The following SDK1 variants were observed in gnomAD, a reference collection of about 807,000 sequenced individuals.
SDK1 encodes the protein protein sidekick-1.
A neutral mutation model predicts 245.5 loss-of-function variants in SDK1; 157 were observed. The observed-to-expected ratio is 0.64, with a 90% confidence interval of 0.56 to 0.73. The LOEUF is 0.73. Among genes scored for constraint, SDK1 ranks in the 30% least tolerant of loss-of-function variants. SDK1 has a pLI of 0.00. For missense variants in SDK1, 3,583 were observed against 3,002.3 expected (o/e 1.19, Z -4.52); for synonymous variants, 1,647 against 1,278.5 (o/e 1.29, Z -6.15).
chr7:3,655,481 A>ATGTATGTATGTATGTATG (rs1243455419), intron 4 of SDK1, among the ~76,000 whole-genome samples: 2 of 76,280 alleles, frequency 2.6e-5, no homozygotes, highest in African/African-American at 9.3e-5. Context: ...ATATATATAT[A>ATGTATGTATGTATGTATG]TATATATATA....
intron 4 of SDK1, among the ~76,000 whole-genome samples, chr7:3,679,871 C>T (rs1562365874): frequency 6.6e-6 from 1 of 152,192 alleles, no homozygotes; most frequent in Non-Finnish European, 1.5e-5. Flanking sequence ...AAAACATACG[C>T]TTACCATATG....
At chr7:3,978,704 A>G (rs1783158140) in intron 13 of SDK1, among the ~76,000 whole-genome samples, 1 of 152,178 alleles carries the variant, frequency 6.6e-6, no homozygotes, top group African/African-American at 2.4e-5. Context: ...GGTAACTTTC[A>G]AACTGAGCTC....
intron 4 of SDK1, among the ~76,000 whole-genome samples, chr7:3,681,480 A>G (rs536568553): frequency 6.6e-6 from 1 of 152,216 alleles, no homozygotes; most frequent in Non-Finnish European, 1.5e-5. Context: ...GAATGGAATT[A>G]CTGGGTCATA....
chr7:3,949,705 A>T (rs1256374717), intron 5 of SDK1, among the ~76,000 whole-genome samples: 1 of 152,128 alleles, frequency 6.6e-6, no homozygotes, highest in Non-Finnish European at 1.5e-5. Flanking sequence ...TTTAATTTTG[A>T]TGTTAAATGT....
At chr7:4,241,691 C>A in intron 42 of SDK1, 102 bp from the exon 43 acceptor site, 1 of 1,448,364 alleles carries the variant, frequency 6.9e-7, no homozygotes, top group Non-Finnish European at 9.5e-7. Context: ...GCTCTGCGTG[C>A]AGCAGGACTC....
intron 40 of SDK1, chr7:4,227,519 A>G (rs561543062): frequency 8.7e-6 from 4 of 459,836 alleles, no homozygotes; most frequent in Non-Finnish European, 1.8e-5. Context: ...CATTCATACA[A>G]AAAGAAATGG....
intron 14 of SDK1, among the ~76,000 whole-genome samples, chr7:4,001,506 C>T (rs991869983): frequency 6.6e-6 from 1 of 152,234 alleles, no homozygotes. Flanking sequence ...AAGCAGTCTA[C>T]GGCCTCAAAG....
At chr7:3,974,286 G>A (rs1230629488) in intron 12 of SDK1, 83 bp from the exon 13 acceptor site, 5 of 1,176,604 alleles carry the variant, frequency 4.2e-6, no homozygotes, top group East Asian at 2.4e-5. Flanking sequence ...ATTGTTAGTT[G>A]CTTGCTTTTT....
chr7:3,309,762 C>T (rs1373311313), intron 1 of SDK1, among the ~76,000 whole-genome samples: 1 of 152,118 alleles, frequency 6.6e-6, no homozygotes, highest in Non-Finnish European at 1.5e-5. Context: ...TACATGAGTT[C>T]ACAAACATTA....
chr7:3,855,241 A>C (rs1232000178), intron 5 of SDK1, among the ~76,000 whole-genome samples: 2 of 152,142 alleles, frequency 1.3e-5, no homozygotes, highest in African/African-American at 2.4e-5. Context: ...TCAAATAGAA[A>C]GATGAGCACC....
chr7:3,475,149 C>T (rs1023296701), intron 1 of SDK1, among the ~76,000 whole-genome samples: 6 of 152,200 alleles, frequency 3.9e-5, no homozygotes, highest in Admixed American at 6.5e-5. Flanking sequence ...TCCATTCTCT[C>T]CCTTATGTAG....
intron 17 of SDK1, among the ~76,000 whole-genome samples, chr7:4,022,985 A>C (rs1009518664): frequency 6.6e-6 from 1 of 151,952 alleles, no homozygotes; most frequent in Non-Finnish European, 1.5e-5. Context: ...CGTGTTACCC[A>C]GGATGGTCTC....
chr7:3,453,211 A>G (rs1351881238), intron 1 of SDK1, among the ~76,000 whole-genome samples: 1 of 152,136 alleles, frequency 6.6e-6, no homozygotes, highest in Non-Finnish European at 1.5e-5. Flanking sequence ...AGTGCCTTGC[A>G]CTGTGGGAGT....
At chr7:3,813,426 A>G (rs1217614455) in intron 4 of SDK1, among the ~76,000 whole-genome samples, 1 of 139,570 alleles carries the variant, frequency 7.2e-6, no homozygotes, top group Non-Finnish European at 1.5e-5. Flanking sequence ...CCATGTCCCT[A>G]CAAAGGACAT....
rs551633305 is a variant in SDK1, at chr7:3,778,027, T to A, written c.714-43423T>A. Among the ~76,000 whole-genome samples, 32 of 152,362 alleles carry A rather than the reference T, an allele frequency of 2.1e-4. No homozygotes were observed. In the East Asian group the frequency reaches 6.0e-3, roughly 28 times the overall value. On this transcript the variant is annotated intron_variant, in intron 4 of 44. Transcript: ENST00000404826. ...CATGATTTTGTTTTACATAAGTAGT[T>A]TGAAGTTTTTGTTGGTTATTGTCTT...
chr7:4,172,868 T>C (rs190809000), intron 32 of SDK1, among the ~76,000 whole-genome samples: 5 of 152,298 alleles, frequency 3.3e-5, no homozygotes, highest in Admixed American at 3.3e-4. Context: ...TTCCCTCTTC[T>C]CATAATTTCC....
At position 3,779,451 on chromosome 7, in the gene SDK1, A is replaced by G. The variant is rs28692586; in HGVS notation, c.714-41999A>G. On this transcript the variant is annotated intron_variant, in intron 4 of 44. Coordinates refer to ENST00000404826, the MANE Select transcript of SDK1 (RefSeq NM_152744.4). ...AGTGGTGTGGCAAAGCCAGTAACCT[A>G]TTTTTTTTAAAAAAAAAAAACAAGG... is the stretch of plus-strand genomic sequence containing the variant. 5.6e-3 allele frequency among the ~76,000 whole-genome samples: 838 copies of G among 150,068 alleles called. 9 individuals carry two copies. The highest frequency in any genetic ancestry group is 0.02 in the African/African-American group (804 of 40,370).
At chr7:4,008,276 C>G (rs1254165411) in intron 14 of SDK1, among the ~76,000 whole-genome samples, 2 of 152,246 alleles carry the variant, frequency 1.3e-5, no homozygotes, top group Admixed American at 6.5e-5. Context: ...TATTTGTTTA[C>G]CCATTCATCC....
chr7:3,761,784 G>A (rs955514275), intron 4 of SDK1, among the ~76,000 whole-genome samples: 1 of 151,958 alleles, frequency 6.6e-6, no homozygotes, highest in Non-Finnish European at 1.5e-5. Context: ...GGAACGCTGA[G>A]GTTAAATACA....
Sources: gnomAD v4.1 joint callset for allele counts (sites outside exome capture counted in the v4.1 genomes callset) on GRCh38, gnomAD v4.1.1 for gene constraint, MANE v1.5 for transcripts, NCBI Gene and HGNC (gene_info 2026-07-23, HGNC 2026-07-21) for gene names.